Variants in CEP350 observed in about 807,000 individuals in gnomAD.
The protein encoded by CEP350 is centrosome-associated protein 350.
Under a neutral mutation model 331.8 loss-of-function variants are expected in CEP350, and 126 were observed. The ratio of observed to expected loss-of-function variants is 0.38; its 90% CI spans 0.33 to 0.44. The LOEUF (loss-of-function observed/expected upper bound fraction) is 0.44. Among genes scored for constraint, CEP350 ranks in the 20% least tolerant of loss-of-function variants. The pLI is 1.00. For missense variants in CEP350, 3,406 were observed against 3,634.6 expected, an observed-to-expected ratio of 0.94 and a Z score of 1.62; for synonymous variants, 1,200 against 1,259.5, an observed-to-expected ratio of 0.95 and a Z score of 1.00.
chr1:179,958,049 C>T (rs1650308196), intron 1 of CEP350, among the ~76,000 whole-genome samples: 1 of 152,130 alleles, frequency 6.6e-6, no homozygotes, highest in African/African-American at 2.4e-5. Flanking sequence ...GAATCCATTG[C>T]ACAGCTGCTA....
At chr1:179,996,433 C>A in intron 5 of CEP350, 120 bp from the exon 6 acceptor site, 1 of 676,352 alleles carries the variant, frequency 1.5e-6, no homozygotes, top group Non-Finnish European at 2.5e-6. Flanking sequence ...AGTTATTTAA[C>A]ATGTATTACC....
At chr1:180,080,748 G>A (rs1329506838) in intron 30 of CEP350, 87 bp downstream of exon 30, 7 of 1,125,198 alleles carry the variant, frequency 6.2e-6, no homozygotes, top group Non-Finnish European at 9.4e-6. Flanking sequence ...TTGACCTTAG[G>A]AAGCATATGT....
chr1:180,107,426 T>C (rs1661203814), intron 37 of CEP350, among the ~76,000 whole-genome samples: 1 of 152,202 alleles, frequency 6.6e-6, no homozygotes, highest in Non-Finnish European at 1.5e-5. Flanking sequence ...CCTAGCACTT[T>C]GGGAGGCCGG....
chr1:180,026,059 G>T (rs1334309407), intron 14 of CEP350, among the ~76,000 whole-genome samples: 1 of 142,956 alleles, frequency 7.0e-6, no homozygotes, highest in Non-Finnish European at 1.5e-5. Flanking sequence ...TAGAGATAAC[G>T]GATGTTAACA....
intron 2 of CEP350, among the ~76,000 whole-genome samples, chr1:179,986,599 A>G (rs1021797189): frequency 4.6e-5 from 7 of 152,176 alleles, no homozygotes; most frequent in Non-Finnish European, 1.0e-4. Context: ...TCTTTTTAAA[A>G]TAATGCATTA....
intron 9 of CEP350, among the ~76,000 whole-genome samples, chr1:180,013,575 A>G (rs1013106540): frequency 2.0e-5 from 3 of 152,182 alleles, no homozygotes; most frequent in Admixed American, 1.3e-4. Flanking sequence ...CATAACAACC[A>G]TAAGAGCTAT....
At chr1:180,042,210 C>T (rs1656816174) in intron 19 of CEP350, among the ~76,000 whole-genome samples, 1 of 151,276 alleles carries the variant, frequency 6.6e-6, no homozygotes, top group Non-Finnish European at 1.5e-5. Flanking sequence ...TAGCATATTT[C>T]CTCATGTCTC....
intron 1 of CEP350, among the ~76,000 whole-genome samples, chr1:179,976,027 T>C (rs1019900915): frequency 2.6e-5 from 4 of 152,178 alleles, no homozygotes; most frequent in South Asian, 2.1e-4. Flanking sequence ...AGGAGAAATA[T>C]GTTTTACGAA....
At position 179,990,550 on chromosome 1, in the gene CEP350, C is replaced by T; in HGVS notation, c.164C>T (p.Thr55Ile). ...AAATTAGAAGTAGCCCCTACAAGTA[C>T]AGCTGTGTGTGATTCTGTCATGGAT... is the stretch of plus-strand genomic sequence containing the variant. ...ENKLEVAPTSTAVCDSVMDTK... is the reference protein window; with the variant it reads ...ENKLEVAPTSIAVCDSVMDTK... Residue 55 changes from threonine to isoleucine, a missense_variant, in exon 4 of 38, where the codon ACA becomes ATA. Around this residue, in one of 5 missense-constraint regions of CEP350, gnomAD observed 1,857 missense variants for 1,909.2 expected, o/e 0.97. Transcript: ENST00000367607. 1 of 1,605,418 alleles carries T rather than the reference C, an allele frequency of 6.2e-7. No homozygotes were observed. Among genetic ancestry groups the T allele is most frequent in the Non-Finnish European group, 8.5e-7 (1 of 1,175,406 alleles).
chr1:180,007,640 T>TGCCAATGCTTTTGGTGTTTTAGTC (rs1654347385), intron 8 of CEP350, among the ~76,000 whole-genome samples: 1 of 152,210 alleles, frequency 6.6e-6, no homozygotes, highest in South Asian at 2.1e-4. Context: ...TGGCTTTTGT[T>TGCCAATGCTTTTGGTGTTTTAGTC]GCCAATGCTT....
intron 27 of CEP350, among the ~76,000 whole-genome samples, chr1:180,066,693 G>A (rs1363461157): frequency 6.6e-6 from 1 of 152,194 alleles, no homozygotes; most frequent in African/African-American, 2.4e-5. Context: ...CCTTTTGGAT[G>A]ATTTCCATGG....
intron 24 of CEP350, 83 bp from the exon 25 acceptor site, chr1:180,054,329 CTTT>C: frequency 8.9e-7 from 1 of 1,124,948 alleles, no homozygotes; most frequent in Non-Finnish European, 1.3e-6. Flanking sequence ...GGTTTGTAGA[CTTT>C]TTAGTAGTCA....
chr1:179,974,544 A>C (rs1007988189), intron 1 of CEP350, among the ~76,000 whole-genome samples: 3 of 152,192 alleles, frequency 2.0e-5, no homozygotes, highest in Non-Finnish European at 2.9e-5. Flanking sequence ...TTGTAACTCT[A>C]TTACAGCACT....
chr1:180,038,198 T>G (rs1656499475), intron 17 of CEP350, among the ~76,000 whole-genome samples: 2 of 152,220 alleles, frequency 1.3e-5, no homozygotes, highest in African/African-American at 4.8e-5. Context: ...CAATTTAAGA[T>G]TTATCCATGT....
At position 180,053,852 on chromosome 1, in the gene CEP350, C is replaced by T; in HGVS notation, c.5092C>T (p.Gln1698Ter). Reference protein sequence around the residue: ...MKEEEMRAAHQSSLLRLREKA... With the variant: ...MKEEEMRAAH The stretch of plus-strand genomic sequence containing the variant: ...AGAGGAAGAAATGAGGGCAGCTCAC[C>T]AGTCTTCACTCCTGCGTCTCCGTGA... Residue 1698 changes from glutamine to a stop codon, truncating the protein, a stop_gained, in exon 24 of 38, where the codon CAG becomes TAG. Coordinates refer to ENST00000367607, the MANE Select transcript of CEP350 (RefSeq NM_014810.5). LOFTEE classifies it high-confidence loss of function. 6.2e-7 allele frequency: 1 copy of T among 1,612,292 alleles called. No individual in the cohort carries two copies. Among genetic ancestry groups the T allele is most frequent in the Non-Finnish European group, 8.5e-7 (1 of 1,178,796 alleles).
rs1654143828 is a variant in CEP350 at position 180,004,919 on chromosome 1, C to CTTTCTTTCTTTCTT, written c.1133-1533_1133-1520dup. 4.1e-5 allele frequency among the ~76,000 whole-genome samples: 3 copies of CTTTCTTTCTTTCTT among 73,698 alleles called. No homozygotes were observed. The Admixed American group carries it at 6.1e-4, about 15-fold the overall frequency. The allele number at this position is 73,698 out of a possible 152,430, so 48.3% of individuals were successfully genotyped here. A position where few individuals can be genotyped will look rare whatever the true frequency, so the allele number is the denominator to read the frequency against. On this transcript the variant is annotated intron_variant, in intron 7 of 37. Transcript: ENST00000367607. ...GCTTGCTTGCTTGCTTTCTTTCTTT[C>CTTTCTTTCTTTCTT]TTTCTTTCTTTCTTTCTTTCTTTCT...
chr1:180,064,126 C>G (rs1447993356), intron 26 of CEP350, among the ~76,000 whole-genome samples: 3 of 152,142 alleles, frequency 2.0e-5, no homozygotes, highest in Non-Finnish European at 4.4e-5. Context: ...CCCTCTCTTC[C>G]TTGCTCTCTT....
chr1:179,987,803 G>A lies in CEP350; in HGVS notation c.120+517G>A, dbSNP rs188328960. ...TAGCCAGGCCTGGTGGTGTGCACCT[G>A]TAGTCCCTGCTACTCAGGAGGCTGA... On this transcript the variant is annotated intron_variant, in intron 3 of 37. Transcript: ENST00000367607. Among the ~76,000 whole-genome samples, 733 of 152,008 alleles carry A rather than the reference G, an allele frequency of 4.8e-3. 6 individuals are homozygous for A. Among genetic ancestry groups the A allele is most frequent in the Admixed American group, 7.6e-3 (116 of 15,262 alleles).
chr1:179,988,054 T>C (rs909873969), intron 3 of CEP350, among the ~76,000 whole-genome samples: 17 of 152,138 alleles, frequency 1.1e-4, no homozygotes, highest in African/African-American at 3.9e-4. Flanking sequence ...CCCAGCACTT[T>C]GGAAGGCCAA....
Sources: allele counts gnomAD v4.1 joint callset (sites outside exome capture counted in the v4.1 genomes callset), GRCh38; gene constraint gnomAD v4.1.1; regional missense constraint gnomAD v4.1.1; transcripts MANE v1.5; gene names NCBI Gene and HGNC (gene_info 2026-07-23, HGNC 2026-07-21).